UBE2E2: variants seen among roughly 807,000 people sequenced by gnomAD.
UBE2E2 encodes the protein ubiquitin-conjugating enzyme E2 E2.
In UBE2E2, 6 loss-of-function variants were observed where a neutral mutation model predicts 24.7. The ratio of observed to expected loss-of-function variants is 0.24; its 90% CI spans 0.13 to 0.48. The LOEUF (loss-of-function observed/expected upper bound fraction) is 0.48, where lower values mean the gene tolerates loss of function less well. Among genes scored for constraint, UBE2E2 ranks in the 20% least tolerant of loss-of-function variants. UBE2E2 has a pLI of 0.99. For missense variants in UBE2E2, 169 were observed against 245.0 expected (o/e 0.69, Z 2.07); for synonymous variants, 104 against 83.6 (o/e 1.24, Z -1.33).
chr3:23,272,702 G>C (rs1170864662), intron 3 of UBE2E2, among the ~76,000 whole-genome samples: 1 of 152,146 alleles, frequency 6.6e-6, no homozygotes, highest in Admixed American at 6.5e-5. Context: ...TTGAGTGTAA[G>C]GAATTGGCTC....
intron 3 of UBE2E2, among the ~76,000 whole-genome samples, chr3:23,308,214 A>T (rs535340939): frequency 6.6e-6 from 1 of 152,346 alleles, no homozygotes; most frequent in South Asian, 2.1e-4. Context: ...TATTGTCAGG[A>T]TTAAGTGAGA....
intron 3 of UBE2E2, among the ~76,000 whole-genome samples, chr3:23,464,177 C>T (rs544462614): frequency 2.1e-4 from 32 of 152,188 alleles, no homozygotes; most frequent in Admixed American, 1.7e-3. Flanking sequence ...CAAAACCTGA[C>T]CCCCGAAATC....
chr3:23,429,806 G>A (rs986685462), intron 3 of UBE2E2, among the ~76,000 whole-genome samples: 37 of 152,140 alleles, frequency 2.4e-4, no homozygotes, highest in African/African-American at 8.0e-4. Context: ...GAACTAATAA[G>A]CAATTATAGC....
Position 23,371,870 on chromosome 3 carries a change from C to A in UBE2E2, c.228-127738C>A, listed in dbSNP as rs1254291366. 3.3e-5 allele frequency among the ~76,000 whole-genome samples: 5 copies of A among 152,244 alleles called. No homozygotes were observed. In the East Asian group the frequency reaches 9.6e-4, roughly 29 times the overall value. ...CCGTGGCTTATGTCTGTAATCCCAG[C>A]ACTTTGGGAGGCCAAGGCGGGTGGA... is the stretch of plus-strand genomic sequence containing the variant. On this transcript the variant is annotated intron_variant, in intron 3 of 5. Coordinates refer to ENST00000396703, the MANE Select transcript of UBE2E2 (RefSeq NM_152653.4).
At chr3:23,501,027 C>T (rs1031883542) in intron 4 of UBE2E2, among the ~76,000 whole-genome samples, 2 of 152,078 alleles carry the variant, frequency 1.3e-5, no homozygotes, top group African/African-American at 4.8e-5. Context: ...TAATACTTAT[C>T]TTCTCCCTTT....
chr3:23,385,056 A>C (rs1183335061), intron 3 of UBE2E2, among the ~76,000 whole-genome samples: 1 of 151,980 alleles, frequency 6.6e-6, no homozygotes, highest in Non-Finnish European at 1.5e-5. Context: ...TCAGCCTCCC[A>C]AGTAGCTGGG....
chr3:23,228,847 C>T (rs1224988810), intron 3 of UBE2E2, among the ~76,000 whole-genome samples: 1 of 152,178 alleles, frequency 6.6e-6, no homozygotes, highest in Admixed American at 6.5e-5. Context: ...TTTTCTACTT[C>T]AATACACAGC....
At chr3:23,343,763 A>G (rs1284462661) in intron 3 of UBE2E2, among the ~76,000 whole-genome samples, 2 of 152,122 alleles carry the variant, frequency 1.3e-5, no homozygotes, top group Admixed American at 6.5e-5. Flanking sequence ...GACTTCTCAC[A>G]CCATTGATAA....
intron 3 of UBE2E2, among the ~76,000 whole-genome samples, chr3:23,288,439 A>T (rs1433576990): frequency 1.3e-5 from 2 of 152,156 alleles, no homozygotes; most frequent in East Asian, 3.9e-4. Context: ...CATTTTGTCT[A>T]CAGTGCTGAT....
At chr3:23,217,862 T>C (rs1696521088) in intron 3 of UBE2E2, among the ~76,000 whole-genome samples, 1 of 152,138 alleles carries the variant, frequency 6.6e-6, no homozygotes, top group Non-Finnish European at 1.5e-5. Flanking sequence ...GGTCAGTGTT[T>C]ACTTTTAGGA....
intron 3 of UBE2E2, among the ~76,000 whole-genome samples, chr3:23,353,841 C>T (rs1449172599): frequency 6.6e-6 from 1 of 152,108 alleles, no homozygotes; most frequent in East Asian, 1.9e-4. Context: ...AATGCCATCC[C>T]CATCAAGCTA....
At chr3:23,308,042 C>G (rs1699282831) in intron 3 of UBE2E2, among the ~76,000 whole-genome samples, 1 of 152,116 alleles carries the variant, frequency 6.6e-6, no homozygotes, top group Non-Finnish European at 1.5e-5. Context: ...TTACCAACTC[C>G]CCCCCAAATA....
intron 5 of UBE2E2, among the ~76,000 whole-genome samples, chr3:23,568,274 C>T (rs1387512996): frequency 3.9e-5 from 6 of 152,276 alleles, no homozygotes; most frequent in Middle Eastern, 3.4e-3. Flanking sequence ...TACTCTTACC[C>T]ACTGAAGAGG....
At chr3:23,414,359 C>T (rs765713688) in intron 3 of UBE2E2, among the ~76,000 whole-genome samples, 4 of 152,094 alleles carry the variant, frequency 2.6e-5, no homozygotes, top group Non-Finnish European at 5.9e-5. Context: ...AAGGTCCTGA[C>T]ATAGTGCTTG....
intron 3 of UBE2E2, among the ~76,000 whole-genome samples, chr3:23,265,869 C>T (rs1369877618): frequency 6.6e-6 from 1 of 152,234 alleles, no homozygotes; most frequent in East Asian, 1.9e-4. Flanking sequence ...GTTAGCTCTT[C>T]TTGTTGAATT....
At chr3:23,486,952 G>C (rs746562957) in intron 3 of UBE2E2, among the ~76,000 whole-genome samples, 51 of 152,142 alleles carry the variant, frequency 3.4e-4, no homozygotes, top group Non-Finnish European at 6.0e-4. Flanking sequence ...ATTTCACTGG[G>C]GTCCCACCAC....
At chr3:23,499,774 A>G in intron 4 of UBE2E2, 34 bp downstream of exon 4, 2 of 1,606,140 alleles carry the variant, frequency 1.2e-6, no homozygotes, top group Non-Finnish European at 1.7e-6. Flanking sequence ...TTTTAGCAAT[A>G]TGGATTATAT....
At position 23,349,504 on chromosome 3, in the gene UBE2E2, C is replaced by T. The variant is rs186775109; in HGVS notation, c.227+132192C>T. The stretch of plus-strand genomic sequence containing the variant: ...TCAAAGAAAGGGGTGACAGACGGCA[C>T]CTGGAAAATTGGGTCACTCCCATCC... On this transcript the variant is annotated intron_variant, in intron 3 of 5. Coordinates refer to ENST00000396703, the MANE Select transcript of UBE2E2 (RefSeq NM_152653.4). Among the ~76,000 whole-genome samples the T allele has an allele frequency of 5.7e-4, 87 of 152,300 alleles. 3 individuals are homozygous for T. In the East Asian group the frequency reaches 0.015, roughly 27 times the overall value.
chr3:23,366,382 G>C (rs918313660), intron 3 of UBE2E2, among the ~76,000 whole-genome samples: 1 of 152,226 alleles, frequency 6.6e-6, no homozygotes, highest in African/African-American at 2.4e-5. Flanking sequence ...CACTATTCAC[G>C]ATAGCAAAGT....
Sources: gnomAD v4.1 joint callset for allele counts (sites outside exome capture counted in the v4.1 genomes callset) on GRCh38, gnomAD v4.1.1 for gene constraint, MANE v1.5 for transcripts, NCBI Gene and HGNC (gene_info 2026-07-23, HGNC 2026-07-21) for gene names.